Variants in EFCAB5 observed in about 807,000 individuals in gnomAD.
EFCAB5 encodes EF-hand calcium binding domain 5.
Under a neutral mutation model 167.9 loss-of-function variants are expected in EFCAB5, and 131 were observed. That is an observed-to-expected ratio of 0.78 (90% confidence interval 0.68 to 0.90). The LOEUF is 0.90. Among genes scored for constraint, EFCAB5 ranks in the 40% least tolerant of loss-of-function variants. The probability of loss-of-function intolerance (pLI) is 0.00; values close to 1 mark genes in which losing one functional copy is unlikely to be tolerated. For missense variants in EFCAB5, 1,663 were observed against 1,745.2 expected, an observed-to-expected ratio of 0.95 and a Z score of 0.84; for synonymous variants, 574 against 602.8, an observed-to-expected ratio of 0.95 and a Z score of 0.70.
chr17:30,062,654 G>A (rs2151801721), intron 14 of EFCAB5, among the ~76,000 whole-genome samples: 1 of 152,246 alleles, frequency 6.6e-6, no homozygotes, highest in Non-Finnish European at 1.5e-5. Flanking sequence ...GCTCAGGGGT[G>A]AGTAGTCACG....
intron 14 of EFCAB5, among the ~76,000 whole-genome samples, chr17:30,065,070 G>A (rs1192019392): frequency 6.6e-6 from 1 of 152,198 alleles, no homozygotes; most frequent in African/African-American, 2.4e-5. Flanking sequence ...GCTCAAGGGA[G>A]CCCTATATCT....
intron 3 of EFCAB5, among the ~76,000 whole-genome samples, chr17:29,957,377 A>G (rs2067638492): frequency 6.6e-6 from 1 of 152,194 alleles, no homozygotes; most frequent in Non-Finnish European, 1.5e-5. Flanking sequence ...CAGGTTTGTT[A>G]CATAGGTAAA....
At chr17:29,996,572 A>G (rs191700267) in intron 6 of EFCAB5, among the ~76,000 whole-genome samples, 1 of 152,318 alleles carries the variant, frequency 6.6e-6, no homozygotes, top group African/African-American at 2.4e-5. Context: ...CCATTTTATT[A>G]CCAGTACTCT....
At chr17:30,042,655 G>A (rs1056064223) in intron 8 of EFCAB5, among the ~76,000 whole-genome samples, 1 of 151,980 alleles carries the variant, frequency 6.6e-6, no homozygotes, top group East Asian at 1.9e-4. Context: ...CTAAAAAAAA[G>A]TTCCACAAAC....
chr17:30,075,605 C>G (rs116440912), intron 14 of EFCAB5, among the ~76,000 whole-genome samples: 2 of 152,176 alleles, frequency 1.3e-5, no homozygotes, highest in African/African-American at 4.8e-5. Flanking sequence ...CCATCTCATA[C>G]GGATACCCTG....
At chr17:30,086,488 G>A (rs948692908) in intron 18 of EFCAB5, among the ~76,000 whole-genome samples, 1 of 152,114 alleles carries the variant, frequency 6.6e-6, no homozygotes, top group Admixed American at 6.5e-5. Context: ...GCTCACACCT[G>A]TAATCCCAGC....
intron 14 of EFCAB5, among the ~76,000 whole-genome samples, chr17:30,065,237 A>G (rs144982714): frequency 1.3e-5 from 2 of 152,364 alleles, no homozygotes; most frequent in African/African-American, 4.8e-5. Context: ...AAAGGAACAA[A>G]GGATATAGAA....
chr17:30,105,513 AAAC>A (rs1386716112), intron 22 of EFCAB5, among the ~76,000 whole-genome samples: 6 of 152,072 alleles, frequency 3.9e-5, no homozygotes, highest in African/African-American at 1.4e-4. Context: ...AAACAAAACA[AAAC>A]AAAAAACAGA....
intron 4 of EFCAB5, among the ~76,000 whole-genome samples, chr17:29,971,085 A>AG (rs398078947): frequency 4.0e-5 from 6 of 151,834 alleles, no homozygotes; most frequent in African/African-American, 1.5e-4. Context: ...AAAAAAAAAA[A>AG]AGATTTTAAT....
In EFCAB5 at chr17:30,093,079, A is replaced by G. The variant is rs1273076545; in HGVS notation, c.4321+143A>G. The G allele has an allele frequency of 1.3e-5, 7 of 530,584 alleles. No homozygotes were observed. The East Asian group carries it at 1.4e-4, about 10-fold the overall frequency. The allele number at this position is 530,584 out of a possible 1,614,324, so 32.9% of individuals were successfully genotyped here. A position where few individuals can be genotyped will look rare whatever the true frequency, so the allele number is the denominator to read the frequency against. On this transcript the variant is annotated intron_variant, in intron 22 of 22. Transcript: ENST00000394835. The stretch of plus-strand genomic sequence containing the variant: ...TAAGTCTTCTAAGAGGAGGGACACT[A>G]TGTAATCTATTGCATCATTCCCCAA...
chr17:30,106,614 G>T (rs369314794), intron 22 of EFCAB5, among the ~76,000 whole-genome samples: 1 of 151,742 alleles, frequency 6.6e-6, no homozygotes, highest in Non-Finnish European at 1.5e-5. Flanking sequence ...CCACCACCAC[G>T]CCTGGCTAAT....
rs142777131 is a variant in EFCAB5, at chr17:30,040,467, C to T, written c.1200+6082C>T. Among the ~76,000 whole-genome samples, 174 of 152,268 alleles carry T rather than the reference C, an allele frequency of 1.1e-3. 1 individual carries two copies. The highest frequency in any genetic ancestry group is 2.0e-3 in the Non-Finnish European group (133 of 68,026). On this transcript the variant is annotated intron_variant, in intron 8 of 22. Coordinates refer to ENST00000394835, the MANE Select transcript of EFCAB5 (RefSeq NM_198529.4). Reference sequence around the variant, plus strand: ...AAATAATTAGAGTGGTACTTATGCTCTAGTTCAGATGGCTACCCTTTTTAC... The same window carrying T: ...AAATAATTAGAGTGGTACTTATGCTTTAGTTCAGATGGCTACCCTTTTTAC...
chr17:29,953,783 G>A (rs569350901), intron 3 of EFCAB5, among the ~76,000 whole-genome samples: 53 of 152,370 alleles, frequency 3.5e-4, no homozygotes, highest in African/African-American at 1.2e-3. Context: ...GGAACAGTTT[G>A]TAGAGCTCAG....
At chr17:29,973,542 G>A (rs2068002177) in intron 4 of EFCAB5, among the ~76,000 whole-genome samples, 1 of 148,564 alleles carries the variant, frequency 6.7e-6, no homozygotes. Context: ...TGCAGTGGCG[G>A]GATCTTGGCT....
In EFCAB5 at chr17:30,094,811, C is replaced by G. The variant is rs565871815; in HGVS notation, c.4321+1875C>G. Among the ~76,000 whole-genome samples the G allele has an allele frequency of 2.0e-5, 3 of 152,312 alleles. No homozygotes were observed. In the East Asian group the frequency reaches 5.8e-4, roughly 29 times the overall value. ...GGTAGCTTTGTTGGGCAGGCCTGGC[C>G]TCCCAAGACTGTGCCATTGCAGGTG... On this transcript the variant is annotated intron_variant, in intron 22 of 22. Transcript: ENST00000394835.
chr17:29,956,693 A>G (rs1316300574), intron 3 of EFCAB5, among the ~76,000 whole-genome samples: 1 of 152,202 alleles, frequency 6.6e-6, no homozygotes, highest in East Asian at 1.9e-4. Context: ...CATGACCCTA[A>G]GTGGTTATGT....
At chr17:30,012,782 G>C (rs1007724425) in intron 7 of EFCAB5, among the ~76,000 whole-genome samples, 4 of 152,194 alleles carry the variant, frequency 2.6e-5, no homozygotes, top group African/African-American at 9.7e-5. Flanking sequence ...GGTCCCTACA[G>C]AATACCTTTT....
intron 7 of EFCAB5, among the ~76,000 whole-genome samples, chr17:30,002,196 T>G (rs1249625441): frequency 6.6e-6 from 1 of 152,230 alleles, no homozygotes; most frequent in Non-Finnish European, 1.5e-5. Flanking sequence ...TTTTTTATTT[T>G]GAAATAATTA....
chr17:29,970,845 C>T (rs1328822912), intron 4 of EFCAB5, among the ~76,000 whole-genome samples: 1 of 152,136 alleles, frequency 6.6e-6, no homozygotes, highest in Non-Finnish European at 1.5e-5. Context: ...GAGGCCAAGA[C>T]AGGCTGATCA....
Sources: gnomAD v4.1 joint callset for allele counts (sites outside exome capture counted in the v4.1 genomes callset) on GRCh38, gnomAD v4.1.1 for gene constraint, MANE v1.5 for transcripts, NCBI Gene and HGNC (gene_info 2026-07-23, HGNC 2026-07-21) for gene names.